Variants in CAST observed in about 807,000 individuals in gnomAD.
CAST encodes the protein MIR583 host.
A neutral mutation model predicts 119.6 loss-of-function variants in CAST; 76 were observed. The observed-to-expected ratio is 0.64, with a 90% CI of 0.53 to 0.77. The LOEUF is 0.77. CAST is among the 30% of genes least tolerant of loss of function. The pLI, the probability that CAST is intolerant of heterozygous loss-of-function variation, is 0.00. For synonymous variants in CAST, 319 were observed against 331.6 expected (o/e 0.96, Z 0.41); for missense variants, 953 against 946.5 (o/e 1.01, Z -0.09).
intron 2 of CAST, among the ~76,000 whole-genome samples, chr5:96,684,181 A>G (rs188084987): frequency 6.6e-6 from 1 of 152,342 alleles, no homozygotes; most frequent in Admixed American, 6.5e-5. Flanking sequence ...GAGGATACTA[A>G]TAGTTCTTAC....
the CAST span, among the ~76,000 whole-genome samples, chr5:96,021,853 T>C: frequency 6.6e-6 from 1 of 152,196 alleles, no homozygotes; most frequent in East Asian, 1.9e-4. Context: ...TAAATTAACT[T>C]AAGTGATCGG....
intron 1 of CAST, among the ~76,000 whole-genome samples, chr5:96,639,148 A>G (rs1747920725): frequency 6.6e-6 from 1 of 152,248 alleles, no homozygotes; most frequent in East Asian, 1.9e-4. Context: ...CATCTGAAAA[A>G]GATGAAAATC....
At chr5:96,365,555 A>G in the CAST span, among the ~76,000 whole-genome samples, 1 of 152,300 alleles carries the variant, frequency 6.6e-6, no homozygotes. Context: ...TTCTTGTTCA[A>G]TTGATCCCTT....
chr5:96,382,001 T>C, the CAST span, among the ~76,000 whole-genome samples: 6 of 152,232 alleles, frequency 3.9e-5, no homozygotes, highest in Non-Finnish European at 7.3e-5. Flanking sequence ...CAGCCTGACA[T>C]AGTTAAGTGT....
At chr5:96,022,756 C>T in the CAST span, among the ~76,000 whole-genome samples, 2 of 151,972 alleles carry the variant, frequency 1.3e-5, no homozygotes, top group Admixed American at 1.3e-4. Flanking sequence ...CTGATAAGTC[C>T]AGAATTTGTA....
chr5:96,348,488 GC>G, the CAST span, among the ~76,000 whole-genome samples: 1 of 152,070 alleles, frequency 6.6e-6, no homozygotes, highest in African/African-American at 2.4e-5. Flanking sequence ...TGAAGGAATT[GC>G]TTTTGATGGT....
chr5:96,578,742 G>A (rs1377096718), intron 1 of CAST, among the ~76,000 whole-genome samples: 1 of 152,102 alleles, frequency 6.6e-6, no homozygotes, highest in African/African-American at 2.4e-5. Flanking sequence ...TGAAGTTGGG[G>A]ATGTTTTAGT....
the CAST span, among the ~76,000 whole-genome samples, chr5:96,056,527 G>C: frequency 6.6e-6 from 1 of 152,138 alleles, no homozygotes; most frequent in South Asian, 2.1e-4. Flanking sequence ...TTGAGAAAGA[G>C]TTTGAATCGG....
At chr5:96,083,844 T>C in the CAST span, among the ~76,000 whole-genome samples, 10 of 152,198 alleles carry the variant, frequency 6.6e-5, no homozygotes, top group Non-Finnish European at 1.5e-4. Context: ...ACCCATCATC[T>C]CAAAACCATG....
intron 1 of CAST, among the ~76,000 whole-genome samples, chr5:96,573,698 C>T (rs962403774): frequency 6.6e-6 from 1 of 152,060 alleles, no homozygotes; most frequent in African/African-American, 2.4e-5. Flanking sequence ...CTGACATAGG[C>T]ATATCCATAT....
the CAST span, among the ~76,000 whole-genome samples, chr5:96,235,380 C>T: frequency 3.3e-5 from 5 of 152,310 alleles, no homozygotes; most frequent in Admixed American, 6.5e-5. Context: ...ATTCCCTGGG[C>T]ATACAGCAGT....
intron 2 of CAST, among the ~76,000 whole-genome samples, chr5:96,681,914 C>T (rs886760878): frequency 4.6e-5 from 7 of 152,048 alleles, no homozygotes; most frequent in African/African-American, 9.7e-5. Flanking sequence ...TCAGCTGTTT[C>T]GCTTTTCATG....
the CAST span, among the ~76,000 whole-genome samples, chr5:96,001,795 A>G: frequency 6.6e-6 from 1 of 152,220 alleles, no homozygotes; most frequent in African/African-American, 2.4e-5. Context: ...CACATTATCA[A>G]GTATACTTCC....
chr5:96,570,475 T>C (rs548857308), intron 1 of CAST, among the ~76,000 whole-genome samples: 3 of 151,816 alleles, frequency 2.0e-5, no homozygotes, highest in South Asian at 2.1e-4. Context: ...AGAAGGGCAA[T>C]TAATAATAAA....
the CAST span, among the ~76,000 whole-genome samples, chr5:96,199,375 CT>C: frequency 6.6e-6 from 1 of 152,116 alleles, no homozygotes; most frequent in Admixed American, 6.6e-5. Context: ...TACTTTCTGT[CT>C]TCTAGTAAAA....
chr5:96,596,251 G>A (rs190857230), intron 1 of CAST, among the ~76,000 whole-genome samples: 74 of 152,310 alleles, frequency 4.9e-4, no homozygotes, highest in African/African-American at 1.7e-3. Context: ...CACAAGAGGA[G>A]TCAGAGCCAG....
intron 1 of CAST, among the ~76,000 whole-genome samples, chr5:96,582,436 C>T (rs1315066255): frequency 1.3e-5 from 2 of 152,192 alleles, no homozygotes; most frequent in Non-Finnish European, 2.9e-5. Context: ...CACAGTCACT[C>T]GTTGAAAGTG....
chr5:96,134,831 A>T, the CAST span, among the ~76,000 whole-genome samples: 4 of 152,240 alleles, frequency 2.6e-5, no homozygotes, highest in East Asian at 7.7e-4. Context: ...AGAATAGCAC[A>T]TAAGTAAGTT....
chr5:96,069,108 C>T, the CAST span, among the ~76,000 whole-genome samples: 19 of 148,784 alleles, frequency 1.3e-4, no homozygotes, highest in East Asian at 1.2e-3. Flanking sequence ...CTGTTGATTC[C>T]GTCTTCATGT....
Sources: gnomAD v4.1 joint callset for allele counts (sites outside exome capture counted in the v4.1 genomes callset) on GRCh38, gnomAD v4.1.1 for gene constraint, MANE v1.5 for transcripts, NCBI Gene and HGNC (gene_info 2026-07-23, HGNC 2026-07-21) for gene names.